ZNF578: variants seen among roughly 807,000 people sequenced by gnomAD.
The protein encoded by ZNF578 is Putative chemokine-related protein B42.
ZNF578 carries 8 observed loss-of-function variants against 8.3 expected under a neutral mutation model. The observed-to-expected ratio is 0.96, with a 90% CI of 0.56 to 1.74. The LOEUF is 1.74. Ranked by LOEUF, ZNF578 falls within the 40% of genes most tolerant of loss-of-function variation. The probability of loss-of-function intolerance (pLI) is 0.00; values close to 1 mark genes in which losing one functional copy is unlikely to be tolerated. For missense variants in ZNF578, 726 were observed against 707.5 expected, an observed-to-expected ratio of 1.03 and a Z score of -0.30; for synonymous variants, 206 against 232.2, an observed-to-expected ratio of 0.89 and a Z score of 1.03.
intron 3 of ZNF578, among the ~76,000 whole-genome samples, chr19:52,493,750 G>A (rs1177062251): frequency 6.6e-6 from 1 of 152,184 alleles, no homozygotes; most frequent in African/African-American, 2.4e-5. Flanking sequence ...CAGCAGTTTT[G>A]GAGGCTGAAG....
At chr19:52,459,769 ATTTTTTT>A (rs1164629700) in intron 2 of ZNF578, among the ~76,000 whole-genome samples, 1 of 17,620 alleles carries the variant, frequency 5.7e-5, no homozygotes, top group African/African-American at 1.8e-4. Flanking sequence ...ATATATATAT[ATTTTTTT>A]TTTTTTTTTT....
intron 2 of ZNF578, among the ~76,000 whole-genome samples, chr19:52,463,323 C>T (rs1190208837): frequency 6.6e-6 from 1 of 152,218 alleles, no homozygotes; most frequent in Non-Finnish European, 1.5e-5. Context: ...ATATGTATCT[C>T]TGGTTACATG....
intron 2 of ZNF578, among the ~76,000 whole-genome samples, chr19:52,479,780 A>G (rs2059319696): frequency 6.6e-6 from 1 of 152,220 alleles, no homozygotes; most frequent in Non-Finnish European, 1.5e-5. Flanking sequence ...TTACCAGACA[A>G]AAACTTCTTT....
chr19:52,481,193 C>T lies in ZNF578; in HGVS notation c.-121-10131C>T, dbSNP rs73057416. Among the ~76,000 whole-genome samples, 412 of 152,196 alleles carry T rather than the reference C, an allele frequency of 2.7e-3. 2 individuals carry two copies. Among genetic ancestry groups the T allele is most frequent in the Non-Finnish European group, 4.2e-3 (285 of 68,014 alleles). The stretch of plus-strand genomic sequence containing the variant: ...CCTCTTTAGGGCACTGACCTTATAT[C>T]GGCTGCGGCAGACTCCTCCTGGTGT... On this transcript the variant is annotated intron_variant, in intron 2 of 5. Coordinates refer to ENST00000421239, the MANE Select transcript of ZNF578 (RefSeq NM_001099694.2).
intron 3 of ZNF578, among the ~76,000 whole-genome samples, chr19:52,491,876 C>T (rs1450234672): frequency 2.0e-5 from 3 of 151,810 alleles, no homozygotes; most frequent in Admixed American, 2.0e-4. Flanking sequence ...AAACAAAAAA[C>T]AAGGCCGTGT....
At position 52,511,923 on chromosome 19, in the gene ZNF578, T is replaced by C; in HGVS notation, c.1542T>C (p.Asn514=). Residue 514 remains asparagine, a synonymous_variant, in exon 6 of 6, where the codon AAT becomes AAC. Transcript: ENST00000421239. The part of the protein sequence containing the change: ...LHSGEKPYKC[N]ECGKTFNVQS... The stretch of plus-strand genomic sequence containing the variant: ...GTGGTGAGAAACCTTACAAGTGTAA[T>C]GAATGTGGGAAGACTTTTAATGTAC... 1.2e-6 allele frequency: 2 copies of C among 1,613,800 alleles called. No individual in the cohort carries two copies. The highest frequency in any genetic ancestry group is 1.7e-6 in the Non-Finnish European group (2 of 1,179,942).
intron 5 of ZNF578, among the ~76,000 whole-genome samples, chr19:52,506,466 T>C (rs77252869): frequency 1.8e-5 from 2 of 110,238 alleles, no homozygotes; most frequent in Non-Finnish European, 3.7e-5. Flanking sequence ...CAGTTTCTTT[T>C]TTTTTTTTTT....
intron 3 of ZNF578, among the ~76,000 whole-genome samples, chr19:52,501,623 G>T (rs569528622): frequency 2.5e-5 from 3 of 119,936 alleles, no homozygotes; most frequent in Non-Finnish European, 3.6e-5. Flanking sequence ...TGCTCCAGGA[G>T]GGGGGCGAGA....
rs1373610599 is a variant in ZNF578, at chr19:52,505,835, T to A, written c.190+1054T>A. 2.1e-4 allele frequency among the ~76,000 whole-genome samples: 32 copies of A among 152,182 alleles called. 1 individual carries two copies. Among genetic ancestry groups the A allele is most frequent in the Non-Finnish European group, 5.9e-5 (4 of 68,030 alleles). ...AGGGAGCTTGTGAGGTTGAATGAGG[T>A]TTCCATGGTTTAGTTCTACTGTCAT... On this transcript the variant is annotated intron_variant, in intron 5 of 5. Transcript: ENST00000421239.
chr19:52,503,622 C>A (rs974235506), intron 4 of ZNF578, among the ~76,000 whole-genome samples: 6 of 152,158 alleles, frequency 3.9e-5, no homozygotes, highest in Non-Finnish European at 8.8e-5. Context: ...GGATTACAGG[C>A]ATGAGCCACT....
chr19:52,499,375 C>T (rs982898366), intron 3 of ZNF578, among the ~76,000 whole-genome samples: 1 of 152,148 alleles, frequency 6.6e-6, no homozygotes, highest in African/African-American at 2.4e-5. Flanking sequence ...CTCCATGTCC[C>T]CTGCAGGCCT....
Position 52,513,607 on chromosome 19 carries a change from G to A in ZNF578, c.*1453G>A, listed in dbSNP as rs2059459582. 6.6e-6 allele frequency among the ~76,000 whole-genome samples: 1 copy of A among 151,462 alleles called. No individual in the cohort carries two copies. Among genetic ancestry groups the A allele is most frequent in the African/African-American group, 2.4e-5 (1 of 41,190 alleles). ...TAGCCGGGCATGGTGGTGGGCACCT[G>A]TAGTCTCAGCTACTCAGGGGGCTGA... On this transcript the variant is annotated 3_prime_UTR_variant, in exon 6 of 6. Transcript: ENST00000421239.
intron 4 of ZNF578, among the ~76,000 whole-genome samples, chr19:52,504,097 C>CTT (rs369235837): frequency 8.3e-5 from 12 of 143,720 alleles, no homozygotes; most frequent in African/African-American, 1.5e-4. Context: ...CCTGGCATTG[C>CTT]TTTTTTTTTT....
intron 2 of ZNF578, among the ~76,000 whole-genome samples, chr19:52,464,704 G>C (rs2059269148): frequency 1.3e-5 from 2 of 152,140 alleles, no homozygotes; most frequent in Non-Finnish European, 2.9e-5. Flanking sequence ...GTAACAATCT[G>C]GAAATTGATC....
chr19:52,466,196 T>C (rs1317229565), intron 2 of ZNF578, among the ~76,000 whole-genome samples: 1 of 152,224 alleles, frequency 6.6e-6, no homozygotes, highest in African/African-American at 2.4e-5. Context: ...TAAATTTTCT[T>C]TGTGCTGAAG....
intron 4 of ZNF578, among the ~76,000 whole-genome samples, chr19:52,503,792 TG>T: frequency 6.7e-6 from 1 of 148,758 alleles, no homozygotes; most frequent in Admixed American, 6.8e-5. Flanking sequence ...GAGAAAACCC[TG>T]TGTTTGCTTT....
At chr19:52,474,547 T>C in intron 2 of ZNF578, 1 of 312,416 alleles carries the variant, frequency 3.2e-6, no homozygotes, top group Non-Finnish European at 6.7e-6. Context: ...GTAACATTCA[T>C]TACATTTGTA....
chr19:52,510,319 T>C (rs1599917690), intron 5 of ZNF578, among the ~76,000 whole-genome samples: 1 of 152,222 alleles, frequency 6.6e-6, no homozygotes, highest in African/African-American at 2.4e-5. Context: ...CTCCTTACTT[T>C]AGGCTTACAC....
At chr19:52,491,004 A>T (rs954651546) in intron 2 of ZNF578, among the ~76,000 whole-genome samples, 5 of 152,142 alleles carry the variant, frequency 3.3e-5, no homozygotes, top group African/African-American at 1.2e-4. Flanking sequence ...CATTGATGTG[A>T]CAGTGATATG....
Sources: gnomAD v4.1 joint callset for allele counts (sites outside exome capture counted in the v4.1 genomes callset) on GRCh38, gnomAD v4.1.1 for gene constraint, MANE v1.5 for transcripts, NCBI Gene and HGNC (gene_info 2026-07-23, HGNC 2026-07-21) for gene names.